Variants in FNIP1 observed in about 807,000 individuals in gnomAD.
FNIP1 encodes the protein folliculin-interacting protein 1.
In FNIP1, 40 loss-of-function variants were observed where a neutral mutation model predicts 124.5. The observed-to-expected ratio is 0.32, with a 90% CI of 0.25 to 0.42. FNIP1 has a LOEUF of 0.42. FNIP1 is among the 10% of genes least tolerant of loss of function. The probability of loss-of-function intolerance (pLI) is 1.00; values close to 1 mark genes in which losing one functional copy is unlikely to be tolerated. For missense variants in FNIP1, 1,176 were observed against 1,403.7 expected, an observed-to-expected ratio of 0.84 and a Z score of 2.59; for synonymous variants, 472 against 470.6, an observed-to-expected ratio of 1.00 and a Z score of -0.04.
chr5:131,700,363 T>C (rs552768449), intron 10 of FNIP1, among the ~76,000 whole-genome samples: 7 of 152,252 alleles, frequency 4.6e-5, no homozygotes, highest in African/African-American at 1.2e-4. Flanking sequence ...AGGATTAGGA[T>C]ATGGAGGTCA....
At chr5:131,720,574 A>T (rs1438092933) in intron 3 of FNIP1, among the ~76,000 whole-genome samples, 3 of 152,226 alleles carry the variant, frequency 2.0e-5, no homozygotes, top group African/African-American at 4.8e-5. Context: ...GAATGGGAAA[A>T]GATAAAATAT....
At chr5:131,681,104 T>C (rs1045937934) in intron 11 of FNIP1, among the ~76,000 whole-genome samples, 2 of 152,044 alleles carry the variant, frequency 1.3e-5, no homozygotes, top group Non-Finnish European at 2.9e-5. Flanking sequence ...TGACTACAGA[T>C]AGGAGAGAGC....
intron 15 of FNIP1, among the ~76,000 whole-genome samples, chr5:131,667,124 A>G (rs1208332130): frequency 6.6e-6 from 1 of 152,250 alleles, no homozygotes; most frequent in East Asian, 1.9e-4. Context: ...CTTTGAAGCA[A>G]TAATACATTC....
chr5:131,657,165 GGC>G (rs2149507447), intron 15 of FNIP1, among the ~76,000 whole-genome samples: 1 of 151,890 alleles, frequency 6.6e-6, no homozygotes, highest in Admixed American at 6.5e-5. Context: ...CACCATGCCT[GGC>G]TCATTTGTGT....
intron 16 of FNIP1, among the ~76,000 whole-genome samples, chr5:131,647,449 T>C (rs911689596): frequency 2.7e-5 from 4 of 149,374 alleles, no homozygotes; most frequent in Middle Eastern, 3.4e-3. Flanking sequence ...AAAATACACA[T>C]ACAATTTGCC....
chr5:131,709,099 A>G, intron 8 of FNIP1, 102 bp downstream of exon 8: 2 of 882,426 alleles, frequency 2.3e-6, no homozygotes, highest in Non-Finnish European at 3.7e-6. Flanking sequence ...TTGTAAGGCT[A>G]ATATCAATAT....
At chr5:131,782,796 A>T (rs1772038919) in intron 1 of FNIP1, among the ~76,000 whole-genome samples, 1 of 152,186 alleles carries the variant, frequency 6.6e-6, no homozygotes, top group Non-Finnish European at 1.5e-5. Flanking sequence ...GTAACTGTAG[A>T]TGTGGTGGAA....
At chr5:131,775,673 G>A (rs571137505) in intron 1 of FNIP1, among the ~76,000 whole-genome samples, 7 of 151,590 alleles carry the variant, frequency 4.6e-5, no homozygotes, top group Admixed American at 1.3e-4. Flanking sequence ...GATTGTAGGC[G>A]TCCGCCACCA....
chr5:131,794,440 A>G (rs1772511167), intron 1 of FNIP1, among the ~76,000 whole-genome samples: 1 of 152,158 alleles, frequency 6.6e-6, no homozygotes, highest in African/African-American at 2.4e-5. Flanking sequence ...AACATTTAGC[A>G]CATGACTCTG....
intron 10 of FNIP1, among the ~76,000 whole-genome samples, chr5:131,700,048 A>G (rs1193947521): frequency 6.6e-6 from 1 of 151,086 alleles, no homozygotes; most frequent in East Asian, 2.0e-4. Flanking sequence ...CAGTGGCACA[A>G]TCTTGGCTCA....
intron 2 of FNIP1, among the ~76,000 whole-genome samples, chr5:131,739,355 G>C (rs1375742241): frequency 1.3e-5 from 2 of 152,098 alleles, no homozygotes; most frequent in African/African-American, 4.8e-5. Context: ...ATAATAGTAA[G>C]TAGTAACAGT....
intron 1 of FNIP1, among the ~76,000 whole-genome samples, chr5:131,767,003 C>T (rs1771448349): frequency 6.6e-6 from 1 of 152,162 alleles, no homozygotes; most frequent in African/African-American, 2.4e-5. Context: ...CACAGACACA[C>T]TCAGAAACAA....
chr5:131,777,892 C>T lies in FNIP1; in HGVS notation c.92+18938G>A, dbSNP rs566880005. Among the ~76,000 whole-genome samples, 26 of 152,248 alleles carry T rather than the reference C, an allele frequency of 1.7e-4. No homozygotes were observed. The South Asian group carries it at 5.4e-3, about 32-fold the overall frequency. On this transcript the variant is annotated intron_variant, in intron 1 of 17. Coordinates refer to ENST00000510461, the MANE Select transcript of FNIP1 (RefSeq NM_133372.3). ...GTCCTCCAGGTGATTCTGATGAATG[C>T]TAAAGTTTGAGCATCACTGAAATAA...
At chr5:131,739,937 C>T (rs1554097691) in intron 2 of FNIP1, among the ~76,000 whole-genome samples, 1 of 151,420 alleles carries the variant, frequency 6.6e-6, no homozygotes, top group Non-Finnish European at 1.5e-5. Flanking sequence ...CCAATCATTG[C>T]TAATTTTTTT....
Position 131,773,245 on chromosome 5 carries a change from T to C in FNIP1, c.92+23585A>G, listed in dbSNP as rs77956327. Among the ~76,000 whole-genome samples, 17 of 152,316 alleles carry C rather than the reference T, an allele frequency of 1.1e-4. No homozygotes were observed. The East Asian group carries it at 2.9e-3, about 26-fold the overall frequency. ...TCTATTAATAACTAACTGTTTAATG[T>C]TTACTGGACACTGTGAGATTATAAA... On this transcript the variant is annotated intron_variant, in intron 1 of 17. Coordinates refer to ENST00000510461, the MANE Select transcript of FNIP1 (RefSeq NM_133372.3).
At chr5:131,652,067 C>T (rs752556865) in intron 15 of FNIP1, 68 bp from the exon 16 acceptor site, 2 of 1,442,788 alleles carry the variant, frequency 1.4e-6, no homozygotes, top group East Asian at 4.6e-5. Flanking sequence ...GGTAATTCAG[C>T]AATGAAGGTT....
Position 131,767,901 on chromosome 5 carries a change from T to C in FNIP1, c.93-23211A>G, listed in dbSNP as rs1231389561. Among the ~76,000 whole-genome samples the C allele has an allele frequency of 2.6e-5, 4 of 152,172 alleles. No individual in the cohort carries two copies. In the East Asian group the frequency reaches 7.7e-4, roughly 29 times the overall value. On this transcript the variant is annotated intron_variant, in intron 1 of 17. Coordinates refer to ENST00000510461, the MANE Select transcript of FNIP1 (RefSeq NM_133372.3). ...ATCCAATTATTTTTCTCTAACTACA[T>C]CTTAATATACTAAATGTTGTAAGAA...
At chr5:131,702,165 GTGTA>G (rs1309820699) in intron 10 of FNIP1, among the ~76,000 whole-genome samples, 2 of 152,296 alleles carry the variant, frequency 1.3e-5, no homozygotes, top group African/African-American at 4.8e-5. Context: ...CTTGAGAAAT[GTGTA>G]TGTGACAATG....
Position 131,719,065 on chromosome 5 carries a change from G to GAAGAAA in FNIP1, c.456-11_456-6dup, listed in dbSNP as rs1251402331. 1 of 1,612,728 alleles carries GAAGAAA rather than the reference G, an allele frequency of 6.2e-7. No homozygotes were observed. Among genetic ancestry groups the GAAGAAA allele is most frequent in the Non-Finnish European group, 8.5e-7 (1 of 1,179,264 alleles). On this transcript the variant is annotated splice_region_variant and splice_polypyrimidine_tract_variant and intron_variant, in intron 4 of 17. Coordinates refer to ENST00000510461, the MANE Select transcript of FNIP1 (RefSeq NM_133372.3). ...AGCATGAGCTGTGGAGGGGAACTATGAAGAAAAAGAGAAAGAGAGAGACCA... is the reference window on the plus strand; with the variant it reads ...AGCATGAGCTGTGGAGGGGAACTATGAAGAAAAAGAAAAAGAGAAAGAGAGAGACCA...
Sources: allele counts gnomAD v4.1 joint callset (sites outside exome capture counted in the v4.1 genomes callset), GRCh38; gene constraint gnomAD v4.1.1; transcripts MANE v1.5; gene names NCBI Gene and HGNC (gene_info 2026-07-23, HGNC 2026-07-21).